The following NRXN3 variants were observed in gnomAD, a reference collection of about 807,000 sequenced individuals.
NRXN3 encodes neurexin 3, also known as neurexin III.
Under a neutral mutation model 137.6 loss-of-function variants are expected in NRXN3, and 32 were observed. That is an observed-to-expected ratio of 0.23 (90% CI 0.18 to 0.31). The LOEUF (loss-of-function observed/expected upper bound fraction) is 0.31. Ranked by LOEUF, NRXN3 falls within the 10% of genes least tolerant of loss-of-function variation. The pLI, the probability that NRXN3 is intolerant of heterozygous loss-of-function variation, is 1.00. For missense variants in NRXN3, 1,574 were observed against 2,062.5 expected, an observed-to-expected ratio of 0.76 and a Z score of 4.59; for synonymous variants, 798 against 784.5, an observed-to-expected ratio of 1.02 and a Z score of -0.29.
intron 15 of NRXN3, among the ~76,000 whole-genome samples, chr14:79,121,115 C>T (rs1361653879): frequency 6.6e-6 from 1 of 152,188 alleles, no homozygotes; most frequent in Non-Finnish European, 1.5e-5. Context: ...AGAAGAAAAG[C>T]TTTCTCACAA....
At chr14:79,624,051 A>C (rs2098254900) in intron 16 of NRXN3, among the ~76,000 whole-genome samples, 1 of 152,130 alleles carries the variant, frequency 6.6e-6, no homozygotes, top group South Asian at 2.1e-4. Context: ...ACTACTGTTA[A>C]AGATAAAGAC....
intron 19 of NRXN3, among the ~76,000 whole-genome samples, chr14:79,710,242 A>G (rs2098798330): frequency 1.3e-5 from 2 of 152,172 alleles, no homozygotes; most frequent in African/African-American, 4.8e-5. Flanking sequence ...TGCAAATTAT[A>G]TCCCTGACCA....
intron 10 of NRXN3, among the ~76,000 whole-genome samples, chr14:78,898,089 C>T (rs2099183576): frequency 6.6e-6 from 1 of 151,860 alleles, no homozygotes; most frequent in Non-Finnish European, 1.5e-5. Flanking sequence ...AAATGAGCAC[C>T]TCTTCTCCCT....
At chr14:79,846,095 G>GA (rs1408333856) in intron 20 of NRXN3, among the ~76,000 whole-genome samples, 2 of 152,072 alleles carry the variant, frequency 1.3e-5, no homozygotes, top group South Asian at 2.1e-4. Context: ...GATACAGTAA[G>GA]AAAAAAAGTA....
intron 4 of NRXN3, among the ~76,000 whole-genome samples, chr14:78,471,334 C>CA (rs1567685088): frequency 0.092 from 955 of 10,336 alleles, 17 homozygotes; most frequent in African/African-American, 0.22. Context: ...ACACACACAC[C>CA]CCCAAGAAAT....
intron 15 of NRXN3, among the ~76,000 whole-genome samples, chr14:79,015,105 G>A (rs2099577143): frequency 6.6e-6 from 1 of 152,072 alleles, no homozygotes; most frequent in African/African-American, 2.4e-5. Flanking sequence ...CCTCTTGGCT[G>A]CATCTAGTCA....
chr14:79,675,212 A>G (rs1462117121), intron 17 of NRXN3, among the ~76,000 whole-genome samples: 2 of 152,018 alleles, frequency 1.3e-5, no homozygotes, highest in African/African-American at 4.8e-5. Context: ...CCCAAAGGCC[A>G]AATAACAAGT....
intron 4 of NRXN3, among the ~76,000 whole-genome samples, chr14:78,545,496 C>T (rs1175331765): frequency 6.6e-6 from 1 of 152,094 alleles, no homozygotes; most frequent in Non-Finnish European, 1.5e-5. Context: ...TAAATCCTGG[C>T]ACATTTTTCT....
chr14:78,768,935 G>T (rs1178416073), intron 8 of NRXN3, among the ~76,000 whole-genome samples: 1 of 152,132 alleles, frequency 6.6e-6, no homozygotes, highest in Admixed American at 6.5e-5. Context: ...CATTACAAAG[G>T]CATGATTAAT....
rs372780773 is a variant in NRXN3, at chr14:79,593,588, G to A, written c.3445-70190G>A. On this transcript the variant is annotated intron_variant, in intron 16 of 20. Transcript: ENST00000335750. ...AGAGCTTGCAGTGAGCCAAGATGGC[G>A]CCACTGCACTCCAGCCTGCACTACG... 6.7e-5 allele frequency among the ~76,000 whole-genome samples: 9 copies of A among 133,566 alleles called. No homozygotes were observed. The South Asian group carries it at 1.4e-3, about 21-fold the overall frequency. The allele number at this position is 133,566 out of a possible 152,430, so 87.6% of individuals were successfully genotyped here.
At chr14:78,308,377 T>C (rs2077586196) in intron 4 of NRXN3, among the ~76,000 whole-genome samples, 1 of 152,130 alleles carries the variant, frequency 6.6e-6, no homozygotes, top group Admixed American at 6.6e-5. Flanking sequence ...TTTATGGTAA[T>C]GTAGCATAGT....
intron 15 of NRXN3, among the ~76,000 whole-genome samples, chr14:79,008,537 G>T (rs1025836588): frequency 6.6e-6 from 1 of 151,048 alleles, no homozygotes; most frequent in African/African-American, 2.4e-5. Flanking sequence ...GAGCTTGCCA[G>T]CGTAAGTTTC....
At chr14:79,129,197 A>G (rs1025126574) in intron 15 of NRXN3, among the ~76,000 whole-genome samples, 85 of 151,344 alleles carry the variant, frequency 5.6e-4, no homozygotes, top group African/African-American at 1.8e-3. Context: ...CTCTGATTTT[A>G]GTTATTTCTT....
intron 15 of NRXN3, among the ~76,000 whole-genome samples, chr14:79,023,124 T>TTA (rs56240665): frequency 3.3e-5 from 5 of 150,898 alleles, no homozygotes; most frequent in African/African-American, 9.7e-5. Flanking sequence ...TTTTTTTTTT[T>TTA]AACTTCTTTT....
intron 15 of NRXN3, among the ~76,000 whole-genome samples, chr14:79,323,378 G>A (rs1339139195): frequency 6.6e-6 from 1 of 152,054 alleles, no homozygotes; most frequent in Non-Finnish European, 1.5e-5. Context: ...GCTGTGGTCA[G>A]TACAGATTTA....
chr14:78,817,905 C>G (rs2098938976), intron 10 of NRXN3, among the ~76,000 whole-genome samples: 1 of 152,000 alleles, frequency 6.6e-6, no homozygotes, highest in Non-Finnish European at 1.5e-5. Context: ...CATATCCAAA[C>G]CATAGCAAGA....
chr14:78,463,284 G>T (rs190943093), intron 4 of NRXN3, among the ~76,000 whole-genome samples: 2 of 152,114 alleles, frequency 1.3e-5, no homozygotes, highest in African/African-American at 4.8e-5. Flanking sequence ...TCCTGATCCA[G>T]TCACCAGTTG....
intron 10 of NRXN3, among the ~76,000 whole-genome samples, chr14:78,932,559 A>G (rs1199239623): frequency 2.0e-5 from 3 of 152,200 alleles, no homozygotes; most frequent in African/African-American, 7.2e-5. Context: ...TGCAAAAAGG[A>G]TGCTATGACA....
intron 15 of NRXN3, among the ~76,000 whole-genome samples, chr14:79,318,576 T>G (rs2089378985): frequency 6.6e-6 from 1 of 152,190 alleles, no homozygotes; most frequent in Non-Finnish European, 1.5e-5. Flanking sequence ...CTTGAGCCAT[T>G]CTCCAGCTGT....
Sources: gnomAD v4.1 joint callset for allele counts (sites outside exome capture counted in the v4.1 genomes callset) on GRCh38, gnomAD v4.1.1 for gene constraint, MANE v1.5 for transcripts, NCBI Gene and HGNC (gene_info 2026-07-23, HGNC 2026-07-21) for gene names.